Variants in AGR3 observed in about 807,000 individuals in gnomAD.
The protein encoded by AGR3 is anterior gradient protein 3.
A neutral mutation model predicts 24.5 loss-of-function variants in AGR3; 37 were observed. That is an observed-to-expected ratio of 1.51 (90% CI 1.16 to 1.99). The LOEUF (loss-of-function observed/expected upper bound fraction) is 1.99, where lower values mean the gene tolerates loss of function less well. AGR3 is among the 30% of genes most tolerant of loss of function. The pLI is 0.00. For missense variants in AGR3, 228 were observed against 191.1 expected, an observed-to-expected ratio of 1.19 and a Z score of -1.14; for synonymous variants, 75 against 61.6, an observed-to-expected ratio of 1.22 and a Z score of -1.02.
chr7:16,878,116 ATT>A (rs34203592), intron 2 of AGR3, among the ~76,000 whole-genome samples: 5 of 146,390 alleles, frequency 3.4e-5, no homozygotes, highest in African/African-American at 1.0e-4. Context: ...AATTATTCCA[ATT>A]TTTTTTTTTT....
intron 4 of AGR3, among the ~76,000 whole-genome samples, chr7:16,862,288 A>G (rs1459359135): frequency 6.6e-6 from 1 of 152,174 alleles, no homozygotes; most frequent in Non-Finnish European, 1.5e-5. Flanking sequence ...TAGTTTTTAT[A>G]ATTTTATGTA....
downstream of AGR3, among the ~76,000 whole-genome samples, chr7:16,856,761 G>C (rs1316538079): frequency 1.3e-5 from 2 of 151,656 alleles, no homozygotes; most frequent in African/African-American, 4.8e-5. Context: ...ATTTCTTAGA[G>C]GTTATAAGGG....
chr7:16,866,247 G>T, intron 3 of AGR3: 2 of 521,324 alleles, frequency 3.8e-6, no homozygotes, highest in South Asian at 3.0e-5. Context: ...ATTGAATGAT[G>T]GGTCAATCCA....
chr7:16,868,435 A>G (rs1781802689), intron 3 of AGR3, among the ~76,000 whole-genome samples: 1 of 152,160 alleles, frequency 6.6e-6, no homozygotes, highest in Admixed American at 6.5e-5. Flanking sequence ...GATTACAGGT[A>G]TGAGCCACGG....
chr7:16,865,710 GAA>G, intron 3 of AGR3: 1 of 772,658 alleles, frequency 1.3e-6, no homozygotes, highest in Non-Finnish European at 2.4e-6. Context: ...GCTCTTAGTA[GAA>G]ACTCTTTGCA....
chr7:16,858,703 T>C (rs1466029778), downstream of AGR3, among the ~76,000 whole-genome samples: 1 of 151,968 alleles, frequency 6.6e-6, no homozygotes, highest in African/African-American at 2.4e-5. Context: ...AAACCCTGTC[T>C]CTATTAAAAA....
chr7:16,860,412 G>T (rs756417149), intron 7 of AGR3, 88 bp downstream of exon 7: 2 of 976,328 alleles, frequency 2.0e-6, no homozygotes, highest in South Asian at 2.7e-5. Flanking sequence ...CTGGTGTGTA[G>T]AAGCACTGAT....
intron 3 of AGR3, among the ~76,000 whole-genome samples, chr7:16,863,531 TC>T (rs1781689607): frequency 6.6e-6 from 1 of 152,074 alleles, no homozygotes. Context: ...TATTACTTTT[TC>T]TTATATTTTC....
intron 4 of AGR3, among the ~76,000 whole-genome samples, chr7:16,862,402 C>T (rs1207741160): frequency 1.3e-5 from 2 of 151,954 alleles, no homozygotes; most frequent in Non-Finnish European, 2.9e-5. Flanking sequence ...ATGTAATTCC[C>T]AAGGGAATAT....
intron 7 of AGR3, 106 bp from the exon 8 acceptor site, chr7:16,859,737 T>C: frequency 1.5e-6 from 1 of 674,564 alleles, no homozygotes; most frequent in Non-Finnish European, 2.4e-6. Flanking sequence ...TTAATAGCTT[T>C]GAACATGGGA....
chr7:16,866,528 T>C (rs1781762235), intron 3 of AGR3, among the ~76,000 whole-genome samples: 1 of 152,166 alleles, frequency 6.6e-6, no homozygotes, highest in African/African-American at 2.4e-5. Context: ...GCATTTATAA[T>C]TCTGATATAT....
intron 3 of AGR3, among the ~76,000 whole-genome samples, chr7:16,872,441 T>C (rs1167015850): frequency 6.6e-6 from 1 of 152,154 alleles, no homozygotes; most frequent in Non-Finnish European, 1.5e-5. Flanking sequence ...ACTCTTACCA[T>C]ATGCAGAAAT....
intron 3 of AGR3, chr7:16,864,665 C>T: frequency 6.3e-7 from 1 of 1,584,454 alleles, no homozygotes; most frequent in African/African-American, 1.3e-5. Context: ...AGGCAGAAGT[C>T]AGGAAAAAGT....
rs904080961 is a variant in AGR3, at chr7:16,878,404, C to T, written c.109+106G>A. ...GAAGTCACACACAACAAAAATCATT[C>T]AGTTAGTTGAATTTGCTTTATAATT... On this transcript the variant is annotated intron_variant, in intron 2 of 7. Coordinates refer to ENST00000310398, the MANE Select transcript of AGR3 (RefSeq NM_176813.5). 3.3e-6 allele frequency: 3 copies of T among 920,466 alleles called. No individual in the cohort carries two copies. In the African/African-American group the frequency reaches 5.0e-5, roughly 15 times the overall value. The allele number at this position is 920,466 out of a possible 1,614,324, so 57.0% of individuals were successfully genotyped here.
At chr7:16,867,422 C>G (rs986053327) in intron 3 of AGR3, among the ~76,000 whole-genome samples, 2 of 151,986 alleles carry the variant, frequency 1.3e-5, no homozygotes, top group African/African-American at 4.8e-5. Context: ...TTATGGTGTA[C>G]AGTATGCTGT....
chr7:16,857,457 G>A (rs763136743), downstream of AGR3, among the ~76,000 whole-genome samples: 9 of 152,012 alleles, frequency 5.9e-5, no homozygotes, highest in Non-Finnish European at 1.2e-4. Context: ...ATTGTCAGCT[G>A]ATCTCTTTTA....
chr7:16,855,403 T>TAGTTG, downstream of AGR3, among the ~76,000 whole-genome samples: 1 of 152,044 alleles, frequency 6.6e-6, no homozygotes, highest in Admixed American at 6.5e-5. Flanking sequence ...CTTCTAGAAT[T>TAGTTG]CATTCCAGAA....
intron 3 of AGR3, chr7:16,865,950 G>C: frequency 1.4e-6 from 1 of 693,054 alleles, no homozygotes; most frequent in East Asian, 2.7e-5. Context: ...TCTAAGACTT[G>C]AGCTTTTTAC....
intron 3 of AGR3, chr7:16,864,666 AG>A (rs1211833377): frequency 6.3e-7 from 1 of 1,584,886 alleles, no homozygotes; most frequent in Non-Finnish European, 8.7e-7. Flanking sequence ...GGCAGAAGTC[AG>A]GAAAAAGTGC....
Sources: allele counts gnomAD v4.1 joint callset (sites outside exome capture counted in the v4.1 genomes callset), GRCh38; gene constraint gnomAD v4.1.1; transcripts MANE v1.5; gene names NCBI Gene and HGNC (gene_info 2026-07-23, HGNC 2026-07-21).